The following PRDM10 variants were observed in gnomAD, a reference collection of about 807,000 sequenced individuals.
The protein encoded by PRDM10 is PR/SET domain 10.
In PRDM10, 65 loss-of-function variants were observed where a neutral mutation model predicts 133.1. The observed-to-expected ratio is 0.49, with a 90% CI of 0.40 to 0.60. The LOEUF (loss-of-function observed/expected upper bound fraction) is 0.60, where lower values mean the gene tolerates loss of function less well. PRDM10 is among the 20% of genes least tolerant of loss of function. The probability of loss-of-function intolerance (pLI) is 0.00; values close to 1 mark genes in which losing one functional copy is unlikely to be tolerated. For synonymous variants in PRDM10, 582 were observed against 580.4 expected, an observed-to-expected ratio of 1.00 and a Z score of -0.04; for missense variants, 1,137 against 1,507.1, an observed-to-expected ratio of 0.75 and a Z score of 4.07.
At chr11:129,965,761 A>C (rs1045329524) in intron 1 of PRDM10, among the ~76,000 whole-genome samples, 7 of 151,270 alleles carry the variant, frequency 4.6e-5, no homozygotes, top group Non-Finnish European at 4.4e-5. Flanking sequence ...ATATATATAC[A>C]AAAAAAAAGA....
At chr11:129,935,949 G>C (rs945897983) in intron 8 of PRDM10, among the ~76,000 whole-genome samples, 6 of 152,200 alleles carry the variant, frequency 3.9e-5, no homozygotes, top group Non-Finnish European at 7.3e-5. Flanking sequence ...AGATGCTTCA[G>C]AGCAGGGACA....
At position 130,002,738 on chromosome 11, in the gene PRDM10, G is replaced by A; in HGVS notation, c.-135C>T. On this transcript the variant is annotated 5_prime_UTR_variant, in exon 1 of 21. Coordinates refer to ENST00000360871, the MANE Select transcript of PRDM10 (RefSeq NM_199437.2). Reference sequence around the variant, plus strand: ...GGTACTTACACGACGTTGGGTGAGGGGAGCTGGAAGATCAGCGGGTCCCCG... The same window carrying A: ...GGTACTTACACGACGTTGGGTGAGGAGAGCTGGAAGATCAGCGGGTCCCCG... The A allele has an allele frequency of 6.1e-6, 1 of 163,970 alleles. No individual in the cohort carries two copies. Among genetic ancestry groups the A allele is most frequent in the South Asian group, 1.1e-4 (1 of 8,696 alleles). The allele number at this position is 163,970 out of a possible 1,614,324, so 10.2% of individuals were successfully genotyped here. A position where few individuals can be genotyped will look rare whatever the true frequency, so the allele number is the denominator to read the frequency against.
intron 1 of PRDM10, among the ~76,000 whole-genome samples, chr11:129,974,118 T>C (rs1186279390): frequency 2.0e-5 from 3 of 152,216 alleles, no homozygotes; most frequent in Admixed American, 6.5e-5. Context: ...ACCTGTAATA[T>C]GGAGACAAGA....
In PRDM10 at chr11:129,899,737, T is replaced by C. The variant is rs1949792440; in HGVS notation, c.*2576A>G. Reference sequence around the variant, plus strand: ...AGCTTCACACATACAAACATGTTTATTAAAAAATATATTTATTAATTTTTA... The same window carrying C: ...AGCTTCACACATACAAACATGTTTACTAAAAAATATATTTATTAATTTTTA... On this transcript the variant is annotated 3_prime_UTR_variant, in exon 21 of 21. Coordinates refer to ENST00000360871, the MANE Select transcript of PRDM10 (RefSeq NM_199437.2). 6.6e-6 allele frequency: 1 copy of C among 152,600 alleles called. No individual in the cohort carries two copies. The allele number at this position is 152,600 out of a possible 1,614,324, so 9.5% of individuals were successfully genotyped here. A position where few individuals can be genotyped will look rare whatever the true frequency, so the allele number is the denominator to read the frequency against.
rs1427125563 is a variant in PRDM10 at position 129,947,622 on chromosome 11, T to C, written c.295-252A>G. 7.7e-7 allele frequency: 1 copy of C among 1,292,154 alleles called. No homozygotes were observed. Among genetic ancestry groups the C allele is most frequent in the Non-Finnish European group, 1.0e-6 (1 of 978,670 alleles). 80.0% of individuals were successfully genotyped at this position (1,292,154 alleles called of 1,614,324 possible). A position where few individuals can be genotyped will look rare whatever the true frequency, so the allele number is the denominator to read the frequency against. ...CCTTCTGTCCCACACCTGGGAGGGC[T>C]GCTAAGAAGGCTCAGGTGCTCCCTC... On this transcript the variant is annotated intron_variant, in intron 4 of 20. Transcript: ENST00000360871. The surrounding 1 kb of genome is among the most constrained non-coding windows in gnomAD (Gnocchi z 4.6).
At chr11:129,909,180 T>G (rs1263136981) in intron 19 of PRDM10, among the ~76,000 whole-genome samples, 1 of 151,810 alleles carries the variant, frequency 6.6e-6, no homozygotes, top group African/African-American at 2.4e-5. Context: ...CCGGGCACAG[T>G]GGCTCATGCC....
chr11:129,982,548 C>G (rs1188070552), intron 1 of PRDM10, among the ~76,000 whole-genome samples: 1 of 152,100 alleles, frequency 6.6e-6, no homozygotes, highest in Non-Finnish European at 1.5e-5. Flanking sequence ...AAATGTTAAC[C>G]ACGGTTACCT....
At chr11:129,974,171 T>C (rs974726549) in intron 1 of PRDM10, among the ~76,000 whole-genome samples, 2 of 152,210 alleles carry the variant, frequency 1.3e-5, no homozygotes, top group Non-Finnish European at 1.5e-5. Context: ...CTAAATGATA[T>C]ATTATTTGCA....
At chr11:129,985,623 C>A (rs1289988819) in intron 1 of PRDM10, among the ~76,000 whole-genome samples, 1 of 151,110 alleles carries the variant, frequency 6.6e-6, no homozygotes, top group Non-Finnish European at 1.5e-5. Flanking sequence ...AAGACCCTGT[C>A]TCTACAAAAA....
At chr11:130,000,226 T>A (rs1565521058) in intron 1 of PRDM10, among the ~76,000 whole-genome samples, 2 of 152,068 alleles carry the variant, frequency 1.3e-5, no homozygotes, top group Admixed American at 6.6e-5. Flanking sequence ...GTATTTTTAG[T>A]AGAGACAGGC....
At chr11:129,998,815 A>G (rs1030477994) in intron 1 of PRDM10, among the ~76,000 whole-genome samples, 5 of 150,770 alleles carry the variant, frequency 3.3e-5, no homozygotes, top group Non-Finnish European at 7.4e-5. Context: ...AAATGGTGTA[A>G]TAACTTTTTT....
chr11:129,944,439 G>A (rs1365931935), intron 6 of PRDM10, among the ~76,000 whole-genome samples: 1 of 152,096 alleles, frequency 6.6e-6, no homozygotes, highest in Non-Finnish European at 1.5e-5. Context: ...AAAGAAATTA[G>A]CCGGGCGTGG....
At chr11:129,938,159 G>A (rs1243587910) in intron 7 of PRDM10, among the ~76,000 whole-genome samples, 1 of 151,950 alleles carries the variant, frequency 6.6e-6, no homozygotes, top group African/African-American at 2.4e-5. Context: ...TATTGGTGTG[G>A]CTCAAAGCTT....
intron 16 of PRDM10, among the ~76,000 whole-genome samples, chr11:129,915,387 A>G (rs1332819403): frequency 6.6e-6 from 1 of 152,150 alleles, no homozygotes; most frequent in African/African-American, 2.4e-5. Flanking sequence ...CAAGCACAGA[A>G]CATTCAAACG....
intron 1 of PRDM10, among the ~76,000 whole-genome samples, chr11:129,983,298 CT>C (rs71473897): frequency 0.14 from 18,759 of 135,142 alleles, 2,333 homozygotes; most frequent in East Asian, 0.5. Flanking sequence ...TTTATTTCTC[CT>C]TTTTTTTTTT....
At chr11:129,910,410 A>C in intron 19 of PRDM10, 66 bp downstream of exon 19, 1 of 1,597,588 alleles carries the variant, frequency 6.3e-7, no homozygotes, top group South Asian at 1.1e-5. Flanking sequence ...CAAGCTGAAG[A>C]AATTATGACA....
At chr11:129,967,930 C>T (rs931326546) in intron 1 of PRDM10, among the ~76,000 whole-genome samples, 2 of 152,138 alleles carry the variant, frequency 1.3e-5, no homozygotes, top group Admixed American at 6.5e-5. Context: ...ACTCACCATC[C>T]ACCAGCCTCC....
chr11:129,924,978 G>A lies in PRDM10; in HGVS notation c.1782C>T (p.Asp594=), dbSNP rs1299806758. 3.7e-6 allele frequency: 6 copies of A among 1,614,076 alleles called. No individual in the cohort carries two copies. The highest frequency in any genetic ancestry group is 3.3e-5 in the Admixed American group (2 of 59,996). Residue 594 remains aspartate, a synonymous_variant, in exon 12 of 21, where the codon GAC becomes GAT. Transcript: ENST00000360871. The stretch of plus-strand genomic sequence containing the variant: ...CATGATCTTTCAACAAATCAAGGCG[G>A]TCAAAGGATTCTGGGCAAAAAATGC... ...YSCIFCPESF[D]RLDLLKDHVA...
chr11:129,986,532 G>T (rs760025027), intron 1 of PRDM10, among the ~76,000 whole-genome samples: 1 of 152,144 alleles, frequency 6.6e-6, no homozygotes, highest in Non-Finnish European at 1.5e-5. Context: ...GACTACAGGC[G>T]TGCAGCACCA....
Sources: allele counts gnomAD v4.1 joint callset (sites outside exome capture counted in the v4.1 genomes callset), GRCh38; gene constraint gnomAD v4.1.1; non-coding constraint Gnocchi (gnomAD v3.1); transcripts MANE v1.5; gene names NCBI Gene and HGNC (gene_info 2026-07-23, HGNC 2026-07-21).